The following C3orf49 variants were observed in gnomAD, a reference collection of about 807,000 sequenced individuals.
The protein encoded by C3orf49 is putative uncharacterized protein C3orf49.
A neutral mutation model predicts 13.3 loss-of-function variants in C3orf49; 27 were observed. That is an observed-to-expected ratio of 2.02 (90% confidence interval 1.49 to 2.79). The LOEUF is 2.79. Ranked by LOEUF, C3orf49 falls within the 30% of genes most tolerant of loss-of-function variation. The probability of loss-of-function intolerance (pLI) is 0.00; values close to 1 mark genes in which losing one functional copy is unlikely to be tolerated. For synonymous variants in C3orf49, 87 were observed against 47.6 expected, an observed-to-expected ratio of 1.83 and a Z score of -3.40; for missense variants, 242 against 134.2, an observed-to-expected ratio of 1.80 and a Z score of -3.97.
chr3:63,841,988 T>C (rs1200827455), intron 5 of C3orf49, among the ~76,000 whole-genome samples: 3 of 152,166 alleles, frequency 2.0e-5, no homozygotes, highest in African/African-American at 7.2e-5. Flanking sequence ...GGATTTCAAA[T>C]GTAAATACAT....
At chr3:63,810,629 G>A in the C3orf49 span, among the ~76,000 whole-genome samples, 2,917 of 152,214 alleles carry the variant, frequency 0.019, 39 homozygotes, top group African/African-American at 0.045. Context: ...TGTCAATGAC[G>A]GCTTATATCT....
chr3:63,848,262 T>G (rs770517843), intron 6 of C3orf49, 102 bp from the exon 7 acceptor site: 1 of 152,192 alleles, frequency 6.6e-6, no homozygotes, highest in Non-Finnish European at 1.5e-5. Context: ...ATTTACCATC[T>G]ATTCTCTGTG....
chr3:63,836,500 G>A (rs895348970), intron 5 of C3orf49: 5 of 745,248 alleles, frequency 6.7e-6, no homozygotes, highest in Non-Finnish European at 1.1e-5. Context: ...AGTATTGCCA[G>A]TTTTAGTTAA....
chr3:63,810,790 C>T, the C3orf49 span, among the ~76,000 whole-genome samples: 6 of 152,190 alleles, frequency 3.9e-5, no homozygotes, highest in East Asian at 3.8e-4. Context: ...CCTTAACATA[C>T]GATAATCTCT....
chr3:63,796,730 G>A, the C3orf49 span, among the ~76,000 whole-genome samples: 760 of 152,054 alleles, frequency 5.0e-3, 5 homozygotes, highest in Non-Finnish European at 6.4e-3. Flanking sequence ...TTTCACTTAC[G>A]CACTTGATAT....
At position 63,819,518 on chromosome 3, in the gene C3orf49, A is replaced by G. The variant is rs1478905928; in HGVS notation, c.47A>G (p.Tyr16Cys). The change falls in exon 1 of 7, where the codon TAC (tyrosine) becomes TGC (cysteine). Residue 16 changes from tyrosine to cysteine, a missense_variant. Tyr to Cys is a radical substitution (Grantham distance 194). Transcript: ENST00000295896. ...CTACCAGAACCCTTTAAGATTGCCT[A>G]CAGAAAAGTTGGACAGTGCCGAAGA... ...LYLPEPFKIA[Y>C]RKVGQCRRFQ... The G allele has an allele frequency of 1.4e-6, 1 of 703,194 alleles. No homozygotes were observed. 43.6% of individuals were successfully genotyped at this position (703,194 alleles called of 1,614,324 possible).
intron 5 of C3orf49, chr3:63,836,184 A>G: frequency 1.1e-6 from 1 of 892,904 alleles, no homozygotes; most frequent in Non-Finnish European, 1.7e-6. Context: ...ATAATATTGA[A>G]TATCTGACCC....
Position 63,823,499 on chromosome 3 carries a change from C to G in C3orf49, c.375C>G (p.Leu125=), listed in dbSNP as rs1403138933. The G allele has an allele frequency of 1.4e-6, 1 of 702,940 alleles. No individual in the cohort carries two copies. The highest frequency in any genetic ancestry group is 1.5e-5 in the South Asian group (1 of 67,590). The allele number at this position is 702,940 out of a possible 1,614,324, so 43.5% of individuals were successfully genotyped here. ...TCCTGTCAAACACGCAGAGCCTTCT[C>G]CCTAGGATTGTCAAGGAGTTTTCAT... ...EALLSNTQSL[L]PRIVKEFSSP... is the part of the protein sequence containing the mutation. The change falls in exon 2 of 7, where the codon CTC becomes CTG. Residue 125 remains leucine, a synonymous_variant. Transcript: ENST00000295896.
the C3orf49 span, among the ~76,000 whole-genome samples, chr3:63,810,586 C>T: frequency 2.6e-5 from 4 of 152,268 alleles, no homozygotes; most frequent in African/African-American, 7.2e-5. Flanking sequence ...TTTGTTGGTT[C>T]GGATTCTCTA....
intron 5 of C3orf49, chr3:63,835,273 T>C: frequency 6.2e-7 from 1 of 1,612,588 alleles, no homozygotes; most frequent in Non-Finnish European, 8.5e-7. Flanking sequence ...TATATAGATA[T>C]ATAGACAGAC....
chr3:63,804,615 C>T, the C3orf49 span, among the ~76,000 whole-genome samples: 1 of 152,176 alleles, frequency 6.6e-6, no homozygotes, highest in Non-Finnish European at 1.5e-5. Context: ...GTTAAAATGT[C>T]CCCTTTAGGG....
the C3orf49 span, among the ~76,000 whole-genome samples, chr3:63,809,154 A>G: frequency 2.0e-5 from 3 of 152,194 alleles, no homozygotes; most frequent in African/African-American, 7.2e-5. Flanking sequence ...CTGTTTAAGC[A>G]ATAGTCTGAA....
intron 6 of C3orf49, among the ~76,000 whole-genome samples, chr3:63,847,158 A>C (rs1386260192): frequency 6.6e-6 from 1 of 152,168 alleles, no homozygotes; most frequent in East Asian, 1.9e-4. Flanking sequence ...AATTTCTAGG[A>C]AAGCCCCTAA....
At chr3:63,844,598 G>A (rs1701846397) in intron 5 of C3orf49, among the ~76,000 whole-genome samples, 1 of 152,212 alleles carries the variant, frequency 6.6e-6, no homozygotes, top group African/African-American at 2.4e-5. Context: ...CATTAGGACT[G>A]TGCCCTGATG....
chr3:63,831,266 A>G (rs1294093682), intron 4 of C3orf49, 43 bp downstream of exon 4: 6 of 693,412 alleles, frequency 8.7e-6, no homozygotes, highest in Non-Finnish European at 1.3e-5. Flanking sequence ...CAGAAGCATC[A>G]GAGAGCCAGG....
At chr3:63,788,044 C>A in the C3orf49 span, among the ~76,000 whole-genome samples, 1 of 152,358 alleles carries the variant, frequency 6.6e-6, no homozygotes, top group African/African-American at 2.4e-5. Flanking sequence ...GCCTCTCCAA[C>A]AGCTGGCAAG....
intron 5 of C3orf49, among the ~76,000 whole-genome samples, chr3:63,835,645 A>G (rs1401005694): frequency 6.6e-6 from 1 of 152,142 alleles, no homozygotes; most frequent in African/African-American, 2.4e-5. Context: ...TAACAGAATA[A>G]CAAGACCCAA....
intron 5 of C3orf49, chr3:63,838,525 A>G (rs1701683504): frequency 1.9e-6 from 3 of 1,576,090 alleles, no homozygotes; most frequent in African/African-American, 1.4e-5. Context: ...GAAAACCAAA[A>G]TAAAGATATT....
At chr3:63,843,534 G>A (rs1033927408) in intron 5 of C3orf49, among the ~76,000 whole-genome samples, 3 of 152,158 alleles carry the variant, frequency 2.0e-5, no homozygotes, top group Non-Finnish European at 4.4e-5. Context: ...GCACTCCAAC[G>A]TTTATAGCAG....
Sources: allele counts gnomAD v4.1 joint callset (sites outside exome capture counted in the v4.1 genomes callset), GRCh38; gene constraint gnomAD v4.1.1; transcripts MANE v1.5; gene names NCBI Gene and HGNC (gene_info 2026-07-23, HGNC 2026-07-21).